LRRC8B: variants seen among roughly 807,000 people sequenced by gnomAD.
The protein encoded by LRRC8B is leucine rich repeat containing 8 VRAC subunit B.
A neutral mutation model predicts 58.8 loss-of-function variants in LRRC8B; 23 were observed. The observed-to-expected ratio is 0.39, with a 90% CI of 0.28 to 0.55. The LOEUF (loss-of-function observed/expected upper bound fraction) is 0.55. Among genes scored for constraint, LRRC8B ranks in the 20% least tolerant of loss-of-function variants. LRRC8B has a pLI of 0.62. For synonymous variants in LRRC8B, 359 were observed against 374.1 expected (o/e 0.96, Z 0.47); for missense variants, 694 against 936.0 (o/e 0.74, Z 3.37).
intron 1 of LRRC8B, among the ~76,000 whole-genome samples, chr1:89,567,495 T>C (rs1160461891): frequency 6.6e-6 from 1 of 152,202 alleles, no homozygotes; most frequent in Non-Finnish European, 1.5e-5. Flanking sequence ...TTAGTAAATA[T>C]GCTGAAAAAT....
At chr1:89,556,446 A>G (rs922988697) in intron 1 of LRRC8B, among the ~76,000 whole-genome samples, 2 of 152,126 alleles carry the variant, frequency 1.3e-5, no homozygotes, top group Non-Finnish European at 2.9e-5. Flanking sequence ...GGAACCCCCA[A>G]ATTTATAGTC....
chr1:89,572,463 A>G lies in LRRC8B; in HGVS notation c.-125+3970A>G, dbSNP rs557747612. On this transcript the variant is annotated intron_variant, in intron 3 of 5. Transcript: ENST00000330947. ...TTTCCAGGTTGGTTCCATTCTCCCCATCTCTTTCAGGTAAACCAATCAGCT... is the reference window on the plus strand; with the variant it reads ...TTTCCAGGTTGGTTCCATTCTCCCCGTCTCTTTCAGGTAAACCAATCAGCT... 5.9e-5 allele frequency: 9 copies of G among 152,308 alleles called. No individual in the cohort carries two copies. The East Asian group carries it at 1.7e-3, about 29-fold the overall frequency. 9.4% of individuals were successfully genotyped at this position (152,308 alleles called of 1,614,324 possible).
At chr1:89,526,206 C>G (rs1257633860) in intron 1 of LRRC8B, among the ~76,000 whole-genome samples, 1 of 152,114 alleles carries the variant, frequency 6.6e-6, no homozygotes, top group Non-Finnish European at 1.5e-5. Context: ...CCCAAATGCT[C>G]TTTGTTTTGT....
At chr1:89,534,264 AT>A (rs1418750853) in intron 1 of LRRC8B, among the ~76,000 whole-genome samples, 1 of 152,336 alleles carries the variant, frequency 6.6e-6, no homozygotes, top group East Asian at 1.9e-4. Context: ...TCACATTTCT[AT>A]TATAACTATT....
intron 1 of LRRC8B, chr1:89,526,828 A>G (rs1278611629): frequency 6.6e-6 from 1 of 152,178 alleles, no homozygotes; most frequent in Non-Finnish European, 1.5e-5. Flanking sequence ...TCAATTGGTA[A>G]GGTGTTCCAA....
chr1:89,595,622 A>G lies in LRRC8B; in HGVS notation c.*2579A>G, dbSNP rs776668823. On this transcript the variant is annotated 3_prime_UTR_variant, in exon 6 of 6. Coordinates refer to ENST00000330947, the MANE Select transcript of LRRC8B (RefSeq NM_001369817.2). ...ACACTAGGGTATAATTATTGGTGCA[A>G]TCTATGTTGTTCTTGATGCCATGGT... 2 of 152,080 alleles carry G rather than the reference A, an allele frequency of 1.3e-5. No homozygotes were observed. The highest frequency in any genetic ancestry group is 2.9e-5 in the Non-Finnish European group (2 of 67,962). 9.4% of individuals were successfully genotyped at this position (152,080 alleles called of 1,614,324 possible).
At chr1:89,564,493 A>G (rs1652900408) in intron 1 of LRRC8B, among the ~76,000 whole-genome samples, 1 of 152,164 alleles carries the variant, frequency 6.6e-6, no homozygotes, top group African/African-American at 2.4e-5. Context: ...TCTGCTTATG[A>G]ACTTGAGCAA....
rs1406102078 is a variant in LRRC8B at position 89,586,694 on chromosome 1, G to A, written c.2139+1905G>A. On this transcript the variant is annotated intron_variant, in intron 5 of 5. Transcript: ENST00000330947. ...CTTTGTAGCACAGGAAAAGTCTTAC[G>A]CTGAAAATACTTTATAACCAAAATA... Among the ~76,000 whole-genome samples, 12 of 152,132 alleles carry A rather than the reference G, an allele frequency of 7.9e-5. No individual in the cohort carries two copies. In the East Asian group the frequency reaches 1.3e-3, roughly 17 times the overall value.
intron 1 of LRRC8B, among the ~76,000 whole-genome samples, chr1:89,564,224 CT>C (rs1652877117): frequency 6.6e-6 from 1 of 152,154 alleles, no homozygotes; most frequent in African/African-American, 2.4e-5. Context: ...ATCATGTCGA[CT>C]TTAATTATTT....
chr1:89,576,502 G>A (rs1434887920), intron 3 of LRRC8B, among the ~76,000 whole-genome samples: 1 of 152,190 alleles, frequency 6.6e-6, no homozygotes, highest in East Asian at 1.9e-4. Context: ...AGCTGAGATT[G>A]AGAATCACTG....
rs1372343172 is a variant in LRRC8B at position 89,595,710 on chromosome 1, C to T, written c.*2667C>T. 6.6e-6 allele frequency: 1 copy of T among 151,930 alleles called. No individual in the cohort carries two copies. Among genetic ancestry groups the T allele is most frequent in the Non-Finnish European group, 1.5e-5 (1 of 67,942 alleles). The allele number at this position is 151,930 out of a possible 1,614,324, so 9.4% of individuals were successfully genotyped here. A position where few individuals can be genotyped will look rare whatever the true frequency, so the allele number is the denominator to read the frequency against. On this transcript the variant is annotated 3_prime_UTR_variant, in exon 6 of 6. Transcript: ENST00000330947. The stretch of plus-strand genomic sequence containing the variant: ...TAGGTCGCTTTTGAGACAAGGTAGC[C>T]CTGATGCAAGGAAAAATGAGGCTAC...
intron 1 of LRRC8B, among the ~76,000 whole-genome samples, chr1:89,542,308 T>A (rs1651061009): frequency 6.6e-6 from 1 of 152,222 alleles, no homozygotes; most frequent in Non-Finnish European, 1.5e-5. Context: ...TTCCTCTACC[T>A]GCCCCACAGC....
At position 89,530,218 on chromosome 1, in the gene LRRC8B, G is replaced by A. The variant is rs563792097; in HGVS notation, c.-241+5196G>A. On this transcript the variant is annotated intron_variant, in intron 1 of 5. Coordinates refer to ENST00000330947, the MANE Select transcript of LRRC8B (RefSeq NM_001369817.2). ...ACAAAAAAAAAAAAAAATTAGCCGG[G>A]CATAGTGGTGGGCGCCTATAGTCCC... Among the ~76,000 whole-genome samples the A allele has an allele frequency of 4.6e-5, 7 of 151,680 alleles. No homozygotes were observed. The South Asian group carries it at 1.5e-3, about 32-fold the overall frequency.
chr1:89,566,463 C>T (rs1353538241), intron 1 of LRRC8B, among the ~76,000 whole-genome samples: 2 of 152,192 alleles, frequency 1.3e-5, no homozygotes, highest in African/African-American at 4.8e-5. Context: ...TTGCCCGAGG[C>T]AGGGTGAATG....
intron 1 of LRRC8B, among the ~76,000 whole-genome samples, chr1:89,530,078 G>T (rs965908984): frequency 1.3e-5 from 2 of 152,004 alleles, no homozygotes; most frequent in African/African-American, 4.8e-5. Flanking sequence ...GTCGGGCATG[G>T]TGGCTCACAC....
At chr1:89,544,938 A>G (rs2100860967) in intron 1 of LRRC8B, among the ~76,000 whole-genome samples, 1 of 152,362 alleles carries the variant, frequency 6.6e-6, no homozygotes, top group Non-Finnish European at 1.5e-5. Flanking sequence ...TTTTATTTGA[A>G]GAGGAAATCA....
rs1652573120 is a variant in LRRC8B at position 89,560,667 on chromosome 1, G to A, written c.-240-7580G>A. On this transcript the variant is annotated intron_variant, in intron 1 of 5. Transcript: ENST00000330947. ...TTTTTTGATCTTGCGATAGTTTACT[G>A]AGAATGATGATTTCCAATTTCATCC... Among the ~76,000 whole-genome samples the A allele has an allele frequency of 2.0e-5, 3 of 149,386 alleles. No homozygotes were observed. In the Admixed American group the frequency reaches 2.0e-4, roughly 10 times the overall value.
At chr1:89,533,720 T>C (rs1304375029) in intron 1 of LRRC8B, among the ~76,000 whole-genome samples, 3 of 152,198 alleles carry the variant, frequency 2.0e-5, no homozygotes, top group Non-Finnish European at 2.9e-5. Context: ...TTTCCTGGGA[T>C]TCCTGGGCCA....
chr1:89,544,112 A>T (rs1236851380), intron 1 of LRRC8B, among the ~76,000 whole-genome samples: 1 of 152,232 alleles, frequency 6.6e-6, no homozygotes, highest in Non-Finnish European at 1.5e-5. Flanking sequence ...TAAAATCTCT[A>T]TAAATGTCTG....
Sources: allele counts gnomAD v4.1 joint callset (sites outside exome capture counted in the v4.1 genomes callset), GRCh38; gene constraint gnomAD v4.1.1; transcripts MANE v1.5; gene names NCBI Gene and HGNC (gene_info 2026-07-23, HGNC 2026-07-21).